Variants in SAFB observed in about 807,000 individuals in gnomAD.
SAFB encodes the protein scaffold attachment factor B.
In SAFB, 15 loss-of-function variants were observed where a neutral mutation model predicts 101.6. The ratio of observed to expected loss-of-function variants is 0.15; its 90% CI spans 0.10 to 0.23. The LOEUF is 0.23. Ranked by LOEUF, SAFB falls within the 10% of genes least tolerant of loss-of-function variation. The pLI is 1.00. For synonymous variants in SAFB, 449 were observed against 407.5 expected (o/e 1.10, Z -1.23); for missense variants, 930 against 1,104.1 (o/e 0.84, Z 2.23).
chr19:5,655,083 A>G (rs1374885730), intron 13 of SAFB, among the ~76,000 whole-genome samples: 1 of 152,136 alleles, frequency 6.6e-6, no homozygotes, highest in Non-Finnish European at 1.5e-5. Flanking sequence ...GGAGCATGCC[A>G]TGGTGACCTG....
intron 2 of SAFB, 60 bp downstream of exon 2, chr19:5,626,549 G>A (rs1208586409): frequency 1.0e-6 from 1 of 972,910 alleles, no homozygotes; most frequent in South Asian, 1.3e-5. Flanking sequence ...CGAATACATT[G>A]CTAATGTGCC....
intron 2 of SAFB, among the ~76,000 whole-genome samples, chr19:5,637,960 C>G (rs1360359682): frequency 1.3e-5 from 2 of 152,218 alleles, no homozygotes. Context: ...ATGCCTATTC[C>G]TGACACCAGA....
chr19:5,638,714 CTTTT>C (rs758543978), intron 2 of SAFB, among the ~76,000 whole-genome samples: 7 of 116,352 alleles, frequency 6.0e-5, no homozygotes, highest in African/African-American at 9.8e-5. Context: ...TAATCTTAGT[CTTTT>C]TTTTTTTTTT....
intron 8 of SAFB, 65 bp downstream of exon 8, chr19:5,650,040 A>T: frequency 7.8e-7 from 1 of 1,276,544 alleles, no homozygotes. Flanking sequence ...CGGGTATTTG[A>T]TTCTGGTTCA....
intron 2 of SAFB, among the ~76,000 whole-genome samples, chr19:5,628,854 A>G (rs984148567): frequency 2.6e-5 from 4 of 152,252 alleles, no homozygotes; most frequent in African/African-American, 7.2e-5. Flanking sequence ...AAAGCAAAAA[A>G]CAGAGCCTGT....
intron 2 of SAFB, among the ~76,000 whole-genome samples, chr19:5,630,436 T>TA (rs766200171): frequency 2.0e-5 from 3 of 152,224 alleles, no homozygotes; most frequent in Non-Finnish European, 2.9e-5. Flanking sequence ...GATTTTATGT[T>TA]ACGCTTTAAA....
intron 2 of SAFB, among the ~76,000 whole-genome samples, chr19:5,639,037 AT>A (rs1301789777): frequency 6.6e-6 from 1 of 152,154 alleles, no homozygotes; most frequent in African/African-American, 2.4e-5. Context: ...AGTATTTTCT[AT>A]TTAGAAAAAC....
rs780589814 is a variant in SAFB, at chr19:5,623,165, C to A, written c.-41C>A. 2 of 1,546,216 alleles carry A rather than the reference C, an allele frequency of 1.3e-6. No individual in the cohort carries two copies. Among genetic ancestry groups the A allele is most frequent in the Admixed American group, 2.0e-5 (1 of 50,726 alleles). On this transcript the variant is annotated 5_prime_UTR_variant, in exon 1 of 21. Transcript: ENST00000588852. Reference sequence around the variant, plus strand: ...TGCTAGGAGCCTGATAAAACCGGCCCGGTTCTGTGGAAAGTGGGCGGCGGA... The same window carrying A: ...TGCTAGGAGCCTGATAAAACCGGCCAGGTTCTGTGGAAAGTGGGCGGCGGA...
In SAFB at chr19:5,644,305, GT is replaced by G. The variant is rs1405589705; in HGVS notation, c.547-1030del. On this transcript the variant is annotated intron_variant, in intron 4 of 20. Coordinates refer to ENST00000588852, the MANE Select transcript of SAFB (RefSeq NM_001201338.2). ...CCTAGCATCTAGAAAGCACCGTAGA[GT>G]TATGAAATGTACCACCACGAATACA... is the stretch of plus-strand genomic sequence containing the variant. 5.9e-5 allele frequency among the ~76,000 whole-genome samples: 9 copies of G among 152,318 alleles called. No individual in the cohort carries two copies. The East Asian group carries it at 9.6e-4, about 16-fold the overall frequency.
intron 13 of SAFB, among the ~76,000 whole-genome samples, chr19:5,655,197 G>C (rs1161799779): frequency 2.6e-5 from 4 of 152,078 alleles, no homozygotes; most frequent in Non-Finnish European, 4.4e-5. Flanking sequence ...GGTGGCTCAT[G>C]CCTGTAATCC....
chr19:5,667,965 C>T lies in SAFB; in HGVS notation c.2624+79C>T, dbSNP rs2145504596. The T allele has an allele frequency of 1.4e-6, 2 of 1,472,314 alleles. No individual in the cohort carries two copies. Among genetic ancestry groups the T allele is most frequent in the East Asian group, 4.6e-5 (2 of 43,660 alleles). 91.2% of individuals were successfully genotyped at this position (1,472,314 alleles called of 1,614,324 possible). A position where few individuals can be genotyped will look rare whatever the true frequency, so the allele number is the denominator to read the frequency against. ...CTTGCTGGAGGCTTAACAACCAAGTCCTTCCAGCTAGTGCCCCTCCCCCCA... is the reference window on the plus strand; with the variant it reads ...CTTGCTGGAGGCTTAACAACCAAGTTCTTCCAGCTAGTGCCCCTCCCCCCA... On this transcript the variant is annotated intron_variant, in intron 20 of 20. Transcript: ENST00000588852. The surrounding 1 kb of genome is among the most constrained non-coding windows in gnomAD (Gnocchi z 4.0).
intron 2 of SAFB, among the ~76,000 whole-genome samples, chr19:5,631,836 A>G (rs2053497337): frequency 6.6e-6 from 1 of 152,172 alleles, no homozygotes; most frequent in Non-Finnish European, 1.5e-5. Context: ...ACTTGAGCCC[A>G]GGAGTTGGAG....
chr19:5,658,320 TAAGTC>T (rs771663817), intron 14 of SAFB, among the ~76,000 whole-genome samples: 48 of 152,298 alleles, frequency 3.2e-4, no homozygotes, highest in Non-Finnish European at 6.0e-4. Flanking sequence ...CATTCTTAAA[TAAGTC>T]AAGAAGTAAA....
chr19:5,653,280 C>G lies in SAFB; in HGVS notation c.1443+16C>G, dbSNP rs1277490820. On this transcript the variant is annotated intron_variant, in intron 10 of 20. Coordinates refer to ENST00000588852, the MANE Select transcript of SAFB (RefSeq NM_001201338.2). ...CGTGGAGAAAGTGAGTGGCCGTTTT[C>G]TTCCCAGGATATAGCCCACATTAGG... 1 of 1,614,042 alleles carries G rather than the reference C, an allele frequency of 6.2e-7. No homozygotes were observed. The highest frequency in any genetic ancestry group is 1.3e-5 in the African/African-American group (1 of 74,916).
chr19:5,658,995 A>C (rs780775007), intron 14 of SAFB, among the ~76,000 whole-genome samples: 20 of 152,030 alleles, frequency 1.3e-4, no homozygotes, highest in Non-Finnish European at 1.8e-4. Flanking sequence ...AAATACAAAA[A>C]TTAGCCAGGT....
intron 2 of SAFB, among the ~76,000 whole-genome samples, chr19:5,632,561 CAG>C (rs1269009997): frequency 4.6e-5 from 7 of 152,150 alleles, no homozygotes; most frequent in Admixed American, 3.9e-4. Flanking sequence ...AAAAAATGTC[CAG>C]AGTCATGCAT....
Position 5,641,770 on chromosome 19 carries a change from C to T in SAFB, c.370C>T (p.Gln124Ter). ...TGTTGAGACCAGTCTGGAGAACTTG[C>T]AGGACATCGACATCATGGATATCAG... The part of the protein sequence containing the change: ...EDVETSLENL[Q>*]DIDIMDISVL... The change falls in exon 4 of 21, where the codon CAG becomes TAG. Residue 124 changes from glutamine to a stop codon, truncating the protein, a stop_gained. Transcript: ENST00000588852. LOFTEE classifies it high-confidence loss of function. 6.2e-7 allele frequency: 1 copy of T among 1,613,986 alleles called. No individual in the cohort carries two copies. The highest frequency in any genetic ancestry group is 8.5e-7 in the Non-Finnish European group (1 of 1,179,974).
intron 13 of SAFB, among the ~76,000 whole-genome samples, chr19:5,656,177 A>T (rs979675484): frequency 6.6e-6 from 1 of 152,182 alleles, no homozygotes; most frequent in East Asian, 1.9e-4. Context: ...TCCACATCTG[A>T]TGGTTAGGCA....
At chr19:5,640,853 T>A (rs2053694263) in intron 2 of SAFB, among the ~76,000 whole-genome samples, 1 of 152,044 alleles carries the variant, frequency 6.6e-6, no homozygotes, top group South Asian at 2.1e-4. Context: ...GGCCTCCTAA[T>A]GTGCTGGACT....
Sources: gnomAD v4.1 joint callset for allele counts (sites outside exome capture counted in the v4.1 genomes callset) on GRCh38, gnomAD v4.1.1 for gene constraint, Gnocchi (gnomAD v3.1) non-coding constraint, MANE v1.5 for transcripts, NCBI Gene and HGNC (gene_info 2026-07-23, HGNC 2026-07-21) for gene names.